ADAMTS12: variants seen among roughly 807,000 people sequenced by gnomAD.
ADAMTS12 encodes A disintegrin and metalloproteinase with thrombospondin motifs 12.
Under a neutral mutation model 167.8 loss-of-function variants are expected in ADAMTS12, and 118 were observed. The ratio of observed to expected loss-of-function variants is 0.70; its 90% CI spans 0.61 to 0.82. The LOEUF is 0.82. Among genes scored for constraint, ADAMTS12 ranks in the 40% least tolerant of loss-of-function variants. ADAMTS12 has a pLI of 0.00. For missense variants in ADAMTS12, 1,916 were observed against 1,998.8 expected, an observed-to-expected ratio of 0.96 and a Z score of 0.79; for synonymous variants, 704 against 716.9, an observed-to-expected ratio of 0.98 and a Z score of 0.29.
intron 16 of ADAMTS12, among the ~76,000 whole-genome samples, chr5:33,604,697 CA>C (rs1738355036): frequency 6.6e-6 from 1 of 151,972 alleles, no homozygotes; most frequent in East Asian, 1.9e-4. Flanking sequence ...CACCATGAGA[CA>C]ACAGTTCTAA....
chr5:33,811,989 C>A (rs2112488623), intron 2 of ADAMTS12, among the ~76,000 whole-genome samples: 1 of 152,244 alleles, frequency 6.6e-6, no homozygotes, highest in Middle Eastern at 3.4e-3. Context: ...GCCACTAACT[C>A]AAAGATTTGT....
chr5:33,874,438 G>A (rs1750152728), intron 2 of ADAMTS12, among the ~76,000 whole-genome samples: 1 of 152,184 alleles, frequency 6.6e-6, no homozygotes, highest in South Asian at 2.1e-4. Flanking sequence ...ACCAAATGCT[G>A]GCAAAGATAT....
intron 2 of ADAMTS12, among the ~76,000 whole-genome samples, chr5:33,827,728 T>TAGAC (rs1748139389): frequency 1.3e-5 from 2 of 149,982 alleles, no homozygotes; most frequent in Non-Finnish European, 2.9e-5. Flanking sequence ...GATAGATAGA[T>TAGAC]AGATAGATAG....
chr5:33,571,493 A>T (rs1220388841), intron 19 of ADAMTS12, among the ~76,000 whole-genome samples: 1 of 152,224 alleles, frequency 6.6e-6, no homozygotes, highest in Non-Finnish European at 1.5e-5. Context: ...CTCCCGAATG[A>T]CTACTGGGTA....
chr5:33,760,749 A>G (rs996576787), intron 2 of ADAMTS12, among the ~76,000 whole-genome samples: 14 of 152,200 alleles, frequency 9.2e-5, no homozygotes, highest in African/African-American at 3.4e-4. Flanking sequence ...ACCTGAAAAT[A>G]TGGCTCTTTG....
chr5:33,662,458 G>T (rs1180596903), intron 5 of ADAMTS12, among the ~76,000 whole-genome samples: 1 of 152,178 alleles, frequency 6.6e-6, no homozygotes, highest in Non-Finnish European at 1.5e-5. Flanking sequence ...TTCTTCTCAT[G>T]AGACATCCTG....
intron 19 of ADAMTS12, among the ~76,000 whole-genome samples, chr5:33,566,871 C>T (rs1746040021): frequency 6.6e-6 from 1 of 152,168 alleles, no homozygotes; most frequent in Admixed American, 6.6e-5. Context: ...CAACTTCCTG[C>T]AGGAGTGCCT....
intron 19 of ADAMTS12, among the ~76,000 whole-genome samples, chr5:33,569,664 C>T (rs548400420): frequency 9.2e-5 from 14 of 152,284 alleles, no homozygotes; most frequent in Non-Finnish European, 8.8e-5. Context: ...AGCAGAAAAA[C>T]TGGAAACTCT....
At chr5:33,616,189 TG>T in intron 14 of ADAMTS12, 117 bp from the exon 15 acceptor site, 1 of 1,407,732 alleles carries the variant, frequency 7.1e-7, no homozygotes, top group Non-Finnish European at 9.5e-7. Flanking sequence ...GTGACCTTGC[TG>T]GGTGGCCACT....
intron 2 of ADAMTS12, among the ~76,000 whole-genome samples, chr5:33,849,569 A>G (rs1749126851): frequency 7.1e-6 from 1 of 140,602 alleles, no homozygotes; most frequent in Admixed American, 7.3e-5. Flanking sequence ...AGCAATACAC[A>G]TGTGTATTGC....
chr5:33,755,961 A>C (rs1437723254), intron 2 of ADAMTS12, among the ~76,000 whole-genome samples: 2 of 152,212 alleles, frequency 1.3e-5, no homozygotes, highest in Non-Finnish European at 2.9e-5. Context: ...GTTCCCCATC[A>C]TATAGGCAGG....
intron 13 of ADAMTS12, among the ~76,000 whole-genome samples, chr5:33,630,057 T>C (rs568131450): frequency 1.3e-5 from 2 of 152,290 alleles, no homozygotes; most frequent in East Asian, 3.9e-4. Flanking sequence ...TGGTGTTGAG[T>C]TCATATTCTA....
Position 33,765,396 on chromosome 5 carries a change from A to T in ADAMTS12, c.490-13848T>A, listed in dbSNP as rs555136697. Among the ~76,000 whole-genome samples the T allele has an allele frequency of 3.3e-5, 5 of 152,320 alleles. No individual in the cohort carries two copies. The East Asian group carries it at 9.6e-4, about 29-fold the overall frequency. ...GAATTTCTCAAATTGTCCCCAAAACATCTTAGTTTTGCATTGGTTCTGTCT... is the reference window on the plus strand; with the variant it reads ...GAATTTCTCAAATTGTCCCCAAAACTTCTTAGTTTTGCATTGGTTCTGTCT... On this transcript the variant is annotated intron_variant, in intron 2 of 23. Coordinates refer to ENST00000504830, the MANE Select transcript of ADAMTS12 (RefSeq NM_030955.4).
intron 19 of ADAMTS12, among the ~76,000 whole-genome samples, chr5:33,571,908 C>A (rs1320566917): frequency 2.0e-5 from 3 of 151,988 alleles, no homozygotes; most frequent in Non-Finnish European, 4.4e-5. Context: ...AAAAATGATA[C>A]AGGGGATATC....
chr5:33,818,529 G>A (rs1042281519), intron 2 of ADAMTS12, among the ~76,000 whole-genome samples: 5 of 152,018 alleles, frequency 3.3e-5, no homozygotes, highest in African/African-American at 9.7e-5. Flanking sequence ...GAGTAATGCT[G>A]TAATTCACAT....
intron 3 of ADAMTS12, among the ~76,000 whole-genome samples, chr5:33,696,369 C>T (rs1334129673): frequency 4.8e-5 from 7 of 145,112 alleles, no homozygotes; most frequent in African/African-American, 1.0e-4. Context: ...TGCAGTGAGC[C>T]GAGATCGCGC....
chr5:33,538,150 T>G (rs190906680), intron 22 of ADAMTS12, among the ~76,000 whole-genome samples: 2 of 152,262 alleles, frequency 1.3e-5, no homozygotes, highest in East Asian at 3.9e-4. Flanking sequence ...AAAAGAGGTT[T>G]AATTGACTCA....
intron 2 of ADAMTS12, among the ~76,000 whole-genome samples, chr5:33,823,016 G>A (rs892449008): frequency 1.4e-4 from 21 of 151,230 alleles, no homozygotes; most frequent in African/African-American, 4.6e-4. Context: ...CTTGGAGCCC[G>A]GCAGCTTGAG....
At chr5:33,690,129 A>G (rs1742498257) in intron 3 of ADAMTS12, among the ~76,000 whole-genome samples, 1 of 152,184 alleles carries the variant, frequency 6.6e-6, no homozygotes, top group Admixed American at 6.5e-5. Flanking sequence ...AGAGTCAAAC[A>G]CCAGTGCAGG....
Sources: allele counts gnomAD v4.1 joint callset (sites outside exome capture counted in the v4.1 genomes callset), GRCh38; gene constraint gnomAD v4.1.1; transcripts MANE v1.5; gene names NCBI Gene and HGNC (gene_info 2026-07-23, HGNC 2026-07-21).